Variants in PTPRD observed in about 807,000 individuals in gnomAD.
PTPRD encodes the protein receptor-type tyrosine-protein phosphatase delta.
A neutral mutation model predicts 214.5 loss-of-function variants in PTPRD; 34 were observed. That is an observed-to-expected ratio of 0.16 (90% confidence interval 0.12 to 0.21). The LOEUF is 0.21. Ranked by LOEUF, PTPRD falls within the 10% of genes least tolerant of loss-of-function variation. PTPRD has a pLI of 1.00. For missense variants in PTPRD, 2,545 were observed against 2,398.7 expected, an observed-to-expected ratio of 1.06 and a Z score of -1.27; for synonymous variants, 1,128 against 845.7, an observed-to-expected ratio of 1.33 and a Z score of -5.79.
At chr9:9,818,613 T>C (rs1191916231) in intron 5 of PTPRD, among the ~76,000 whole-genome samples, 1 of 152,082 alleles carries the variant, frequency 6.6e-6, no homozygotes, top group African/African-American at 2.4e-5. Flanking sequence ...CTAACAAACA[T>C]TATTATTCCA....
intron 5 of PTPRD, among the ~76,000 whole-genome samples, chr9:9,891,399 G>A (rs2073276609): frequency 6.7e-6 from 1 of 149,702 alleles, no homozygotes; most frequent in Non-Finnish European, 1.5e-5. Context: ...TAGCACAGAA[G>A]TATCATTCTG....
chr9:10,580,233 T>C (rs1371296769), intron 2 of PTPRD, among the ~76,000 whole-genome samples: 2 of 152,200 alleles, frequency 1.3e-5, no homozygotes, highest in Non-Finnish European at 2.9e-5. Flanking sequence ...GCAATAACAT[T>C]GGCATCACTA....
intron 12 of PTPRD, among the ~76,000 whole-genome samples, chr9:8,666,773 T>C (rs1253875661): frequency 1.3e-5 from 2 of 152,232 alleles, no homozygotes; most frequent in African/African-American, 4.8e-5. Context: ...TGCAGACATC[T>C]AGCAGAACAT....
chr9:8,507,277 A>G, intron 22 of PTPRD, 24 bp downstream of exon 22: 17 of 1,603,582 alleles, frequency 1.1e-5, no homozygotes, highest in Non-Finnish European at 1.4e-5. Flanking sequence ...ATAATTCCCA[A>G]GGTGAGAAGC....
intron 10 of PTPRD, chr9:9,091,202 G>C: frequency 1.3e-6 from 2 of 1,502,940 alleles, no homozygotes; most frequent in South Asian, 1.1e-5. Flanking sequence ...CCCCGATTTA[G>C]ACCTGCGGGT....
At chr9:9,578,283 C>A (rs563504421) in intron 7 of PTPRD, among the ~76,000 whole-genome samples, 2 of 152,094 alleles carry the variant, frequency 1.3e-5, no homozygotes, top group East Asian at 3.9e-4. Flanking sequence ...AAAAGTTATA[C>A]ATTCAAGTTT....
At chr9:10,232,814 C>A (rs556157022) in intron 3 of PTPRD, among the ~76,000 whole-genome samples, 1 of 152,080 alleles carries the variant, frequency 6.6e-6, no homozygotes, top group Non-Finnish European at 1.5e-5. Flanking sequence ...AAACTCAACT[C>A]ACACAAAACA....
At chr9:9,441,043 G>A (rs949977733) in intron 8 of PTPRD, among the ~76,000 whole-genome samples, 2 of 152,130 alleles carry the variant, frequency 1.3e-5, no homozygotes, top group Non-Finnish European at 2.9e-5. Flanking sequence ...CCCTCATTGG[G>A]CCAAAATGGC....
intron 10 of PTPRD, among the ~76,000 whole-genome samples, chr9:9,092,847 A>G (rs1417118655): frequency 6.6e-6 from 1 of 152,086 alleles, no homozygotes; most frequent in African/African-American, 2.4e-5. Context: ...TAATTTCATC[A>G]TGTGTAAATG....
At chr9:8,972,035 G>T (rs572029576) in intron 11 of PTPRD, among the ~76,000 whole-genome samples, 2 of 151,624 alleles carry the variant, frequency 1.3e-5, no homozygotes, top group Non-Finnish European at 2.9e-5. Context: ...CAATTCTGTG[G>T]CAGGCTAGTT....
intron 7 of PTPRD, among the ~76,000 whole-genome samples, chr9:9,658,549 G>A (rs1319325883): frequency 6.6e-6 from 1 of 152,134 alleles, no homozygotes; most frequent in Non-Finnish European, 1.5e-5. Context: ...TTGGGAAGCA[G>A]CCTCGATCTC....
intron 9 of PTPRD, among the ~76,000 whole-genome samples, chr9:9,199,026 CAA>C (rs2099940325): frequency 6.6e-6 from 1 of 151,910 alleles, no homozygotes. Context: ...TATATAGTAC[CAA>C]AGACATGTGG....
chr9:8,633,589 G>T, intron 13 of PTPRD, 131 bp from the exon 14 acceptor site: 2 of 1,038,114 alleles, frequency 1.9e-6, no homozygotes, highest in Non-Finnish European at 2.8e-6. Context: ...ACTGAATTTT[G>T]ATATAGTGGT....
At chr9:10,347,409 CTTTT>C (rs201173966) in intron 2 of PTPRD, among the ~76,000 whole-genome samples, 3 of 127,918 alleles carry the variant, frequency 2.3e-5, no homozygotes, top group East Asian at 2.3e-4. Context: ...AGCTATTTGT[CTTTT>C]TTTTTTTTTT....
At chr9:8,717,038 T>A (rs1001247473) in intron 12 of PTPRD, among the ~76,000 whole-genome samples, 1 of 152,128 alleles carries the variant, frequency 6.6e-6, no homozygotes, top group African/African-American at 2.4e-5. Context: ...CATGGTGGCA[T>A]GTGCCTGTAA....
chr9:10,409,162 A>G (rs2098408146), intron 2 of PTPRD, among the ~76,000 whole-genome samples: 1 of 151,860 alleles, frequency 6.6e-6, no homozygotes, highest in African/African-American at 2.4e-5. Flanking sequence ...CACACAAAAT[A>G]TCTAACTTTT....
chr9:9,919,624 G>T (rs774116893), intron 5 of PTPRD, among the ~76,000 whole-genome samples: 1 of 152,114 alleles, frequency 6.6e-6, no homozygotes, highest in Non-Finnish European at 1.5e-5. Context: ...GATGGAAATG[G>T]AAATTACAGA....
intron 4 of PTPRD, among the ~76,000 whole-genome samples, chr9:10,003,572 T>A (rs549485467): frequency 6.6e-6 from 1 of 151,636 alleles, no homozygotes; most frequent in Non-Finnish European, 1.5e-5. Context: ...AAAGATAGAA[T>A]CTCAACTTAT....
chr9:9,705,419 C>G (rs2097581150), intron 7 of PTPRD, among the ~76,000 whole-genome samples: 2 of 151,982 alleles, frequency 1.3e-5, no homozygotes, highest in South Asian at 2.1e-4. Flanking sequence ...TCAATTTTCC[C>G]TTTTTATATT....
Sources: allele counts gnomAD v4.1 joint callset (sites outside exome capture counted in the v4.1 genomes callset), GRCh38; gene constraint gnomAD v4.1.1; transcripts MANE v1.5; gene names NCBI Gene and HGNC (gene_info 2026-07-23, HGNC 2026-07-21).